Variants in KIF3C observed in about 807,000 individuals in gnomAD.
KIF3C encodes the protein kinesin family member 3C, also known as kinesin-like protein KIF3C.
Under a neutral mutation model 67.7 loss-of-function variants are expected in KIF3C, and 12 were observed. The observed-to-expected ratio is 0.18, with a 90% CI of 0.11 to 0.29. The LOEUF (loss-of-function observed/expected upper bound fraction) is 0.29. Among genes scored for constraint, KIF3C ranks in the 10% least tolerant of loss-of-function variants. The pLI is 1.00. For synonymous variants in KIF3C, 393 were observed against 426.2 expected (o/e 0.92, Z 0.96); for missense variants, 789 against 1,059.6 (o/e 0.74, Z 3.55).
chr2:25,950,906 AAAG>A (rs1418658921), intron 5 of KIF3C, among the ~76,000 whole-genome samples: 21 of 151,442 alleles, frequency 1.4e-4, no homozygotes, highest in South Asian at 2.1e-4. Context: ...AAAAAAAAAA[AAAG>A]AAGAAGAAAA....
chr2:25,973,379 C>A (rs1664328432), intron 1 of KIF3C, among the ~76,000 whole-genome samples: 1 of 151,968 alleles, frequency 6.6e-6, no homozygotes, highest in Admixed American at 6.6e-5. Flanking sequence ...CATGGTGAAA[C>A]CCCATCTCTA....
chr2:25,981,395 C>T lies in KIF3C; in HGVS notation c.523G>A (p.Val175Ile), dbSNP rs778882700. 25 of 1,614,078 alleles carry T rather than the reference C, an allele frequency of 1.5e-5. No homozygotes were observed. In the Admixed American group the frequency reaches 2.5e-4, roughly 16 times the overall value. The change falls in exon 1 of 8, where the codon GTC becomes ATC. Residue 175 changes from valine to isoleucine, a missense_variant. By Grantham distance (29) the Val-to-Ile change is conservative (BLOSUM62 3). This residue lies in a region of KIF3C where 141 missense variants were observed against 251.8 expected (regional missense o/e 0.56). Transcript: ENST00000264712. The surrounding 1 kb of genome is among the most constrained non-coding windows in gnomAD (Gnocchi z 8.2). ...LELKENPETG[V>I]YIKDLSSFVT... ...AAGGAGGAGAGGTCCTTGATGTAGA[C>T]GCCAGTCTCGGGGTTCTCTTTCAGC...
At chr2:25,930,152 T>C (rs2090447180) in intron 5 of KIF3C, 89 bp from the exon 6 acceptor site, 3 of 1,023,944 alleles carry the variant, frequency 2.9e-6, no homozygotes, top group Non-Finnish European at 4.6e-6. Context: ...TTCAGGTAGC[T>C]AGGAGGCCCT....
Position 25,980,438 on chromosome 2 carries a change from C to T in KIF3C, c.1480G>A (p.Glu494Lys), listed in dbSNP as rs775740030. 19 of 1,614,012 alleles carry T rather than the reference C, an allele frequency of 1.2e-5. No individual in the cohort carries two copies. The highest frequency in any genetic ancestry group is 7.6e-6 in the Non-Finnish European group (9 of 1,180,026). Residue 494 changes from glutamate to lysine, a missense_variant, in exon 1 of 8, where the codon GAG becomes AAG. This residue lies in a region of KIF3C where 648 missense variants were observed against 807.8 expected (regional missense o/e 0.80). Transcript: ENST00000264712. This position sits in a 1 kb window ranked among gnomAD's most constrained non-coding sequence, Gnocchi z 7.6. ...CGCCGCAGGTCCTCCAGCATCTTCT[C>T]CTTCTCCTCCAGCAGCTTCTGCTTC... is the stretch of plus-strand genomic sequence containing the variant. ...EEKQKLLEEK[E>K]KMLEDLRREQ...
chr2:25,952,525 ATGTG>A (rs35756626), intron 4 of KIF3C, among the ~76,000 whole-genome samples: 18,957 of 144,384 alleles, frequency 0.13, 1,462 homozygotes, highest in African/African-American at 0.19. Flanking sequence ...TTGTATATAT[ATGTG>A]TGTGTGTGTG....
At chr2:25,953,542 A>G (rs1663700901) in intron 4 of KIF3C, among the ~76,000 whole-genome samples, 1 of 151,426 alleles carries the variant, frequency 6.6e-6, no homozygotes, top group African/African-American at 2.4e-5. Flanking sequence ...TTATATTTTT[A>G]GTAGAGGCGG....
intron 5 of KIF3C, chr2:25,934,100 T>C (rs1027774306): frequency 2.1e-6 from 1 of 469,698 alleles, no homozygotes; most frequent in Admixed American, 2.4e-5. Flanking sequence ...TTTTGCTAAG[T>C]GGAAGAACTC....
At chr2:25,954,438 C>A in intron 3 of KIF3C, 53 bp from the exon 4 acceptor site, 1 of 1,368,708 alleles carries the variant, frequency 7.3e-7, no homozygotes, top group East Asian at 2.3e-5. Context: ...AACGAGGCCC[C>A]AGTCACCCAG....
intron 1 of KIF3C, among the ~76,000 whole-genome samples, chr2:25,974,912 G>A (rs1298259406): frequency 6.6e-6 from 1 of 151,632 alleles, no homozygotes; most frequent in Non-Finnish European, 1.5e-5. Context: ...TGTAATCCCA[G>A]CTACTCGGGA....
chr2:25,947,198 T>G (rs1266842252), intron 5 of KIF3C, among the ~76,000 whole-genome samples: 2 of 151,834 alleles, frequency 1.3e-5, no homozygotes, highest in Non-Finnish European at 2.9e-5. Flanking sequence ...AAGCAGAAGA[T>G]CAGGGTAAAA....
chr2:25,953,882 G>C (rs887964661), intron 4 of KIF3C, among the ~76,000 whole-genome samples: 5 of 140,924 alleles, frequency 3.5e-5, no homozygotes, highest in Non-Finnish European at 6.1e-5. Context: ...TGATCAGGCT[G>C]GTCTCAAACT....
intron 5 of KIF3C, among the ~76,000 whole-genome samples, chr2:25,933,261 A>C (rs2090477025): frequency 6.9e-6 from 1 of 143,942 alleles, no homozygotes; most frequent in African/African-American, 2.6e-5. Context: ...ACTCCGTTTC[A>C]AAAAAAAAAA....
intron 1 of KIF3C, among the ~76,000 whole-genome samples, chr2:25,970,164 C>T (rs1168641238): frequency 6.6e-6 from 1 of 152,154 alleles, no homozygotes; most frequent in African/African-American, 2.4e-5. Flanking sequence ...GGCATAAATC[C>T]TTCCTGTCTG....
intron 5 of KIF3C, among the ~76,000 whole-genome samples, chr2:25,947,708 A>G (rs1411968590): frequency 6.6e-6 from 1 of 152,188 alleles, no homozygotes; most frequent in East Asian, 1.9e-4. Context: ...TTTAACCCTC[A>G]AAAGGAGAAA....
chr2:25,934,648 A>G (rs1188462261), intron 5 of KIF3C, among the ~76,000 whole-genome samples: 1 of 152,180 alleles, frequency 6.6e-6, no homozygotes, highest in Non-Finnish European at 1.5e-5. Context: ...CTCTGAATAT[A>G]CTAAAATCCA....
At chr2:25,972,402 C>T (rs909694171) in intron 1 of KIF3C, among the ~76,000 whole-genome samples, 3 of 152,074 alleles carry the variant, frequency 2.0e-5, no homozygotes, top group African/African-American at 4.8e-5. Context: ...TTACAAAATG[C>T]CCCCAGGACG....
chr2:25,946,471 C>T (rs777721344), intron 5 of KIF3C, among the ~76,000 whole-genome samples: 4 of 151,950 alleles, frequency 2.6e-5, no homozygotes, highest in Non-Finnish European at 5.9e-5. Flanking sequence ...GGGCAGATCA[C>T]GAGGTCAGGA....
intron 6 of KIF3C, 136 bp downstream of exon 6, chr2:25,929,808 GGTTCACCATGT>G (rs1159215848): frequency 6.3e-6 from 4 of 631,892 alleles, no homozygotes; most frequent in Admixed American, 2.7e-5. Context: ...TAGAGACAGG[GGTTCACCATGT>G]TAACCAGGCT....
intron 1 of KIF3C, among the ~76,000 whole-genome samples, chr2:25,971,783 C>T (rs13420568): frequency 0.21 from 31,554 of 150,600 alleles, 3,498 homozygotes; most frequent in African/African-American, 0.28. Context: ...TCAAGGCTCA[C>T]TGAAACCTCG....
Sources: gnomAD v4.1 joint callset for allele counts (sites outside exome capture counted in the v4.1 genomes callset) on GRCh38, gnomAD v4.1.1 for gene constraint, gnomAD v4.1.1 regional missense constraint, Gnocchi (gnomAD v3.1) non-coding constraint, MANE v1.5 for transcripts, NCBI Gene and HGNC (gene_info 2026-07-23, HGNC 2026-07-21) for gene names.